ZBTB7C: variants seen among roughly 807,000 people sequenced by gnomAD.
The protein encoded by ZBTB7C is zinc finger and BTB domain containing 7C, also known as zinc finger and BTB domain-containing protein 7C.
In ZBTB7C, 8 loss-of-function variants were observed where a neutral mutation model predicts 25.7. The observed-to-expected ratio is 0.31, with a 90% CI of 0.18 to 0.56. The LOEUF (loss-of-function observed/expected upper bound fraction) is 0.56. Ranked by LOEUF, ZBTB7C falls within the 20% of genes least tolerant of loss-of-function variation. The probability of loss-of-function intolerance (pLI) is 0.91; values close to 1 mark genes in which losing one functional copy is unlikely to be tolerated. For missense variants in ZBTB7C, 824 were observed against 855.2 expected (o/e 0.96, Z 0.46); for synonymous variants, 394 against 369.0 (o/e 1.07, Z -0.78).
intron 3 of ZBTB7C, among the ~76,000 whole-genome samples, chr18:48,106,416 T>C (rs1028869664): frequency 6.6e-6 from 1 of 150,422 alleles, no homozygotes; most frequent in Non-Finnish European, 1.5e-5. Context: ...TAGGGGCAGC[T>C]GTAAAGCAAA....
At chr18:48,326,848 T>A (rs918826360) in intron 2 of ZBTB7C, among the ~76,000 whole-genome samples, 2 of 152,244 alleles carry the variant, frequency 1.3e-5, no homozygotes, top group African/African-American at 4.8e-5. Context: ...AATCTTAGTG[T>A]ATACCTCTGT....
intron 3 of ZBTB7C, among the ~76,000 whole-genome samples, chr18:48,103,112 T>TTATCTATCTATC (rs61043835): frequency 0.11 from 14,915 of 130,682 alleles, 1,033 homozygotes; most frequent in East Asian, 0.17. Context: ...ATATTTTATA[T>TTATCTATCTATC]TATCTATCTA....
At chr18:48,178,009 GC>G (rs2041742310) in intron 3 of ZBTB7C, among the ~76,000 whole-genome samples, 2 of 151,324 alleles carry the variant, frequency 1.3e-5, no homozygotes, top group Non-Finnish European at 3.0e-5. Context: ...ACTTCCAGCA[GC>G]CCCTCCCTCT....
intron 2 of ZBTB7C, among the ~76,000 whole-genome samples, chr18:48,284,341 A>C (rs570898811): frequency 6.6e-6 from 1 of 152,108 alleles, no homozygotes; most frequent in South Asian, 2.1e-4. Context: ...TGGGAGGCTG[A>C]GATGGAAGGA....
At chr18:48,266,825 T>C (rs2044327424) in intron 2 of ZBTB7C, among the ~76,000 whole-genome samples, 1 of 152,110 alleles carries the variant, frequency 6.6e-6, no homozygotes. Context: ...TTTTTTTTTT[T>C]AGTTTTATGT....
chr18:48,091,711 A>G (rs1457136463), intron 3 of ZBTB7C, among the ~76,000 whole-genome samples: 1 of 152,202 alleles, frequency 6.6e-6, no homozygotes, highest in Non-Finnish European at 1.5e-5. Flanking sequence ...CTAGCAGGCC[A>G]GAGCTCTAAT....
At chr18:48,162,424 T>G (rs1297352682) in intron 3 of ZBTB7C, 2 of 456,456 alleles carry the variant, frequency 4.4e-6, no homozygotes, top group Non-Finnish European at 8.8e-6. Flanking sequence ...GTAATAGTAT[T>G]CACCTCACTG....
At chr18:48,148,858 A>C (rs2040578320) in intron 3 of ZBTB7C, 2 of 152,354 alleles carry the variant, frequency 1.3e-5, no homozygotes. Context: ...TGTAAAGAAG[A>C]ATCATCTTAC....
Position 48,040,120 on chromosome 18 carries a change from CGTT to C in ZBTB7C, c.985_987del (p.Asn329del). On this transcript the variant is annotated inframe_deletion, in exon 4 of 5. Coordinates refer to ENST00000590800, the MANE Select transcript of ZBTB7C (RefSeq NM_001318841.2). ...AGGAAGTTGAGATAGGCACCGTAGT[CGTT>C]CTCCGCCTTGATGGGTCCCAGAGGC... 6.3e-7 allele frequency: 1 copy of C among 1,597,350 alleles called. No homozygotes were observed. The highest frequency in any genetic ancestry group is 8.5e-7 in the Non-Finnish European group (1 of 1,171,678).
intron 2 of ZBTB7C, among the ~76,000 whole-genome samples, chr18:48,228,745 T>A (rs34059183): frequency 0.79 from 107,368 of 136,128 alleles, 43,563 homozygotes; most frequent in Non-Finnish European, 0.91. Context: ...TCTCTCTCTC[T>A]CTCACACACA....
At chr18:48,181,508 G>C (rs188192320) in intron 3 of ZBTB7C, among the ~76,000 whole-genome samples, 7 of 152,086 alleles carry the variant, frequency 4.6e-5, no homozygotes, top group Non-Finnish European at 1.0e-4. Flanking sequence ...TATCCTTTCT[G>C]AACAAAGAGG....
chr18:48,103,797 C>A (rs1441320948), intron 3 of ZBTB7C, among the ~76,000 whole-genome samples: 1 of 152,126 alleles, frequency 6.6e-6, no homozygotes, highest in African/African-American at 2.4e-5. Flanking sequence ...CATGGAGGAA[C>A]CCTGAAATCA....
At chr18:48,091,121 T>G (rs909887575) in intron 3 of ZBTB7C, among the ~76,000 whole-genome samples, 3 of 151,810 alleles carry the variant, frequency 2.0e-5, no homozygotes, top group Non-Finnish European at 4.4e-5. Flanking sequence ...TCACCCAGGC[T>G]GGAGTACAGT....
intron 3 of ZBTB7C, among the ~76,000 whole-genome samples, chr18:48,053,933 G>A (rs2036803861): frequency 6.6e-6 from 1 of 152,226 alleles, no homozygotes; most frequent in African/African-American, 2.4e-5. Context: ...GTGGGGCAGG[G>A]GAAGGACAAC....
chr18:48,321,612 G>C (rs8089235), intron 2 of ZBTB7C, among the ~76,000 whole-genome samples: 17,078 of 152,056 alleles, frequency 0.11, 1,864 homozygotes, highest in African/African-American at 0.29. Flanking sequence ...CCTTTAGGAC[G>C]AGGACTTGGA....
chr18:48,118,040 C>T (rs1485569446), intron 3 of ZBTB7C, among the ~76,000 whole-genome samples: 6 of 145,438 alleles, frequency 4.1e-5, no homozygotes, highest in African/African-American at 1.0e-4. Flanking sequence ...GAGTCTCACT[C>T]GGTTGCCCGG....
intron 1 of ZBTB7C, among the ~76,000 whole-genome samples, chr18:48,404,465 G>T (rs1452221924): frequency 6.6e-6 from 1 of 152,168 alleles, no homozygotes; most frequent in African/African-American, 2.4e-5. Context: ...GCATGCCCAC[G>T]GTTGGTTACA....
intron 3 of ZBTB7C, among the ~76,000 whole-genome samples, chr18:48,072,763 G>C (rs2037598302): frequency 6.6e-6 from 1 of 152,246 alleles, no homozygotes; most frequent in East Asian, 1.9e-4. Context: ...AGGAAAGGTA[G>C]CATTAAGAGC....
intron 2 of ZBTB7C, among the ~76,000 whole-genome samples, chr18:48,334,401 G>T (rs2046413802): frequency 6.6e-6 from 1 of 152,166 alleles, no homozygotes; most frequent in South Asian, 2.1e-4. Flanking sequence ...AGCACCATCT[G>T]CCATGAGATG....
Sources: gnomAD v4.1 joint callset for allele counts (sites outside exome capture counted in the v4.1 genomes callset) on GRCh38, gnomAD v4.1.1 for gene constraint, MANE v1.5 for transcripts, NCBI Gene and HGNC (gene_info 2026-07-23, HGNC 2026-07-21) for gene names.